The following UNC13C variants were observed in gnomAD, a reference collection of about 807,000 sequenced individuals.
UNC13C encodes the protein protein unc-13 homolog C.
In UNC13C, 174 loss-of-function variants were observed where a neutral mutation model predicts 245.4. The ratio of observed to expected loss-of-function variants is 0.71; its 90% CI spans 0.63 to 0.80. The LOEUF (loss-of-function observed/expected upper bound fraction) is 0.80. Among genes scored for constraint, UNC13C ranks in the 30% least tolerant of loss-of-function variants. The probability of loss-of-function intolerance (pLI) is 0.00; values close to 1 mark genes in which losing one functional copy is unlikely to be tolerated. For missense variants in UNC13C, 2,829 were observed against 2,602.9 expected (o/e 1.09, Z -1.89); for synonymous variants, 992 against 895.1 (o/e 1.11, Z -1.93).
intron 17 of UNC13C, among the ~76,000 whole-genome samples, chr15:54,382,915 C>T (rs2039758118): frequency 6.6e-6 from 1 of 152,084 alleles, no homozygotes; most frequent in African/African-American, 2.4e-5. Flanking sequence ...TTATTATTAA[C>T]AACTATACAC....
chr15:54,186,082 G>A (rs1428511015), intron 4 of UNC13C, among the ~76,000 whole-genome samples: 1 of 151,564 alleles, frequency 6.6e-6, no homozygotes, highest in Non-Finnish European at 1.5e-5. Context: ...GTCTGTTATT[G>A]GTGTATAAGA....
the UNC13C span, among the ~76,000 whole-genome samples, chr15:53,933,266 C>T: frequency 6.6e-6 from 1 of 152,032 alleles, no homozygotes; most frequent in Non-Finnish European, 1.5e-5. Flanking sequence ...TACTTTGTGG[C>T]CCTGCTTAAT....
the UNC13C span, among the ~76,000 whole-genome samples, chr15:53,882,459 T>C: frequency 6.6e-6 from 1 of 152,192 alleles, no homozygotes; most frequent in East Asian, 1.9e-4. Flanking sequence ...TTTGTATATA[T>C]TTGTACACTT....
intron 30 of UNC13C, among the ~76,000 whole-genome samples, chr15:54,573,829 C>A (rs530182645): frequency 6.6e-6 from 1 of 152,284 alleles, no homozygotes; most frequent in African/African-American, 2.4e-5. Flanking sequence ...AATAAAAATT[C>A]ATCTGGCTCT....
chr15:54,609,603 G>C (rs1899965033), intron 30 of UNC13C, among the ~76,000 whole-genome samples: 1 of 152,140 alleles, frequency 6.6e-6, no homozygotes, highest in South Asian at 2.1e-4. Flanking sequence ...TAATATGAGA[G>C]TGTATGATAG....
At chr15:54,242,754 GTAA>G (rs2035887696) in intron 7 of UNC13C, among the ~76,000 whole-genome samples, 1 of 152,050 alleles carries the variant, frequency 6.6e-6, no homozygotes, top group African/African-American at 2.4e-5. Flanking sequence ...GTGAATAATA[GTAA>G]TAATAATAAT....
chr15:54,195,143 A>G (rs2034311240), intron 4 of UNC13C, among the ~76,000 whole-genome samples: 1 of 151,582 alleles, frequency 6.6e-6, no homozygotes. Flanking sequence ...AATCCCCATG[A>G]TCTCTGATAC....
chr15:54,503,641 C>A (rs1894332309), intron 22 of UNC13C, among the ~76,000 whole-genome samples: 1 of 151,966 alleles, frequency 6.6e-6, no homozygotes. Context: ...TCCATGTTGG[C>A]CAGGCTGGTC....
At chr15:54,072,334 T>G (rs1300976762) in intron 2 of UNC13C, among the ~76,000 whole-genome samples, 1 of 152,148 alleles carries the variant, frequency 6.6e-6, no homozygotes, top group Non-Finnish European at 1.5e-5. Flanking sequence ...GGATTTTGCT[T>G]CTTAGTGTAT....
intron 28 of UNC13C, among the ~76,000 whole-genome samples, chr15:54,550,086 T>C (rs1896671131): frequency 6.6e-6 from 1 of 152,174 alleles, no homozygotes; most frequent in South Asian, 2.1e-4. Flanking sequence ...CTAAATGACC[T>C]TGTGCTTAGT....
intron 30 of UNC13C, among the ~76,000 whole-genome samples, chr15:54,592,296 G>A (rs1479815312): frequency 6.6e-6 from 1 of 152,064 alleles, no homozygotes; most frequent in Non-Finnish European, 1.5e-5. Context: ...TCTTCTGTAT[G>A]TATCTGTTAA....
chr15:54,543,598 A>C (rs180765972), intron 26 of UNC13C, among the ~76,000 whole-genome samples: 2 of 152,260 alleles, frequency 1.3e-5, no homozygotes, highest in East Asian at 3.9e-4. Context: ...TACAATAAAA[A>C]ATGATAAAGG....
At chr15:53,841,268 C>T in the UNC13C span, among the ~76,000 whole-genome samples, 2 of 152,064 alleles carry the variant, frequency 1.3e-5, no homozygotes, top group African/African-American at 2.4e-5. Flanking sequence ...GGATTTAATA[C>T]CAGTTTATTT....
intron 10 of UNC13C, among the ~76,000 whole-genome samples, chr15:54,289,347 C>G (rs187932696): frequency 6.6e-6 from 1 of 151,948 alleles, no homozygotes; most frequent in Non-Finnish European, 1.5e-5. Flanking sequence ...AATAAAAAAG[C>G]TTCAGGTGGC....
At chr15:54,047,472 C>CCTAT (rs1220201129) in intron 2 of UNC13C, among the ~76,000 whole-genome samples, 3 of 152,034 alleles carry the variant, frequency 2.0e-5, no homozygotes, top group Admixed American at 6.6e-5. Context: ...TATGATCTTG[C>CCTAT]CTATGCTAGT....
rs139261319 is a variant in UNC13C at position 54,015,094 on chromosome 15, C to G, written c.2191C>G (p.Gln731Glu). The change falls in exon 2 of 33, where the codon CAA becomes GAA. Residue 731 changes from glutamine to glutamate, a missense_variant. Transcript: ENST00000260323. ...SPCPGLDNEPQGQWVGQYDSY... is the reference protein window; with the variant it reads ...SPCPGLDNEPEGQWVGQYDSY... ...ATGCCCTGGCTTGGATAATGAACCA[C>G]AAGGCCAGTGGGTTGGCCAATATGA... 4 of 1,612,798 alleles carry G rather than the reference C, an allele frequency of 2.5e-6. No individual in the cohort carries two copies. In the East Asian group the frequency reaches 8.9e-5, roughly 36 times the overall value.
At chr15:54,070,413 AG>A (rs35036325) in intron 2 of UNC13C, among the ~76,000 whole-genome samples, 1 of 152,270 alleles carries the variant, frequency 6.6e-6, no homozygotes, top group South Asian at 2.1e-4. Context: ...TAAGTGCTAC[AG>A]GGGCTTCAAG....
At chr15:54,063,144 A>G (rs1286944589) in intron 2 of UNC13C, among the ~76,000 whole-genome samples, 1 of 152,190 alleles carries the variant, frequency 6.6e-6, no homozygotes, top group Non-Finnish European at 1.5e-5. Flanking sequence ...AAATTTCACG[A>G]ATTAGAGCTA....
intron 2 of UNC13C, among the ~76,000 whole-genome samples, chr15:54,120,830 G>A (rs2030616515): frequency 1.3e-5 from 2 of 152,076 alleles, no homozygotes; most frequent in African/African-American, 2.4e-5. Flanking sequence ...AACTACAGAT[G>A]TGGTAGAACT....
Sources: gnomAD v4.1 joint callset for allele counts (sites outside exome capture counted in the v4.1 genomes callset) on GRCh38, gnomAD v4.1.1 for gene constraint, MANE v1.5 for transcripts, NCBI Gene and HGNC (gene_info 2026-07-23, HGNC 2026-07-21) for gene names.